GALNT16: variants seen among roughly 807,000 people sequenced by gnomAD.
The protein encoded by GALNT16 is polypeptide N-acetylgalactosaminyltransferase 16.
In GALNT16, 40 loss-of-function variants were observed where a neutral mutation model predicts 76.1. That is an observed-to-expected ratio of 0.53 (90% CI 0.41 to 0.68). GALNT16 has a LOEUF of 0.68. Ranked by LOEUF, GALNT16 falls within the 30% of genes least tolerant of loss-of-function variation. GALNT16 has a pLI of 0.00. For synonymous variants in GALNT16, 276 were observed against 285.2 expected (o/e 0.97, Z 0.32); for missense variants, 621 against 731.9 (o/e 0.85, Z 1.75).
the GALNT16 span, among the ~76,000 whole-genome samples, chr14:69,379,884 T>C: frequency 6.6e-6 from 1 of 152,200 alleles, no homozygotes; most frequent in East Asian, 1.9e-4. Flanking sequence ...CAGAAAGTCA[T>C]TTATAACGTT....
chr14:69,347,890 G>A lies in GALNT16; in HGVS notation c.1427G>A (p.Ser476Asn), dbSNP rs754534699. 1 of 1,613,718 alleles carries A rather than the reference G, an allele frequency of 6.2e-7. No individual in the cohort carries two copies. Among genetic ancestry groups the A allele is most frequent in the South Asian group, 1.1e-5 (1 of 91,084 alleles). ...CCTGCCTTGCAGGCATGGCTGTTCA[G>A]TGACCACCTCATCCAGCAGCAGGGG... is the stretch of plus-strand genomic sequence containing the variant. ...NPQPAQAWLF[S>N]DHLIQQQGKC... Residue 476 changes from serine to asparagine, a missense_variant, in exon 14 of 15, where the codon AGT (serine) becomes AAT (asparagine). By Grantham distance (46) the Ser-to-Asn change is conservative (BLOSUM62 1). Transcript: ENST00000448469.
At chr14:69,322,393 G>A (rs556441186) in intron 2 of GALNT16, among the ~76,000 whole-genome samples, 2 of 152,338 alleles carry the variant, frequency 1.3e-5, no homozygotes, top group Admixed American at 6.5e-5. Flanking sequence ...GGATCTGTTG[G>A]CCCCAATCTG....
At chr14:69,372,527 GCT>G in the GALNT16 span, among the ~76,000 whole-genome samples, 4 of 104,744 alleles carry the variant, frequency 3.8e-5, no homozygotes, top group African/African-American at 1.5e-4. Flanking sequence ...ATGGAGTCTT[GCT>G]CTGTTGCCCA....
chr14:69,327,769 C>T (rs2045304075), intron 5 of GALNT16, among the ~76,000 whole-genome samples: 1 of 152,200 alleles, frequency 6.6e-6, no homozygotes, highest in South Asian at 2.1e-4. Context: ...GGGCCTCCTC[C>T]CTCCTGACCA....
At chr14:69,269,675 G>A (rs1289012416) in intron 1 of GALNT16, among the ~76,000 whole-genome samples, 1 of 150,984 alleles carries the variant, frequency 6.6e-6, no homozygotes, top group African/African-American at 2.4e-5. Context: ...TGTGTGTAGT[G>A]TGTGTGTGAT....
rs1220764503 is a variant in GALNT16, at chr14:69,333,646, A to T, written c.967+46A>T. 1 of 982,030 alleles carries T rather than the reference A, an allele frequency of 1.0e-6. No homozygotes were observed. Among genetic ancestry groups the T allele is most frequent in the Non-Finnish European group, 1.6e-6 (1 of 616,182 alleles). The allele number at this position is 982,030 out of a possible 1,614,324, so 60.8% of individuals were successfully genotyped here. ...AGTGAAAATAACAGTAGCAGTAATA[A>T]CCACAGTTAACCCTGACAGAGCACT... On this transcript the variant is annotated intron_variant, in intron 9 of 14. Transcript: ENST00000448469. This position sits in a 1 kb window ranked among gnomAD's most constrained non-coding sequence, Gnocchi z 4.2.
At chr14:69,337,587 AAC>A (rs1034744494) in intron 9 of GALNT16, among the ~76,000 whole-genome samples, 3 of 152,170 alleles carry the variant, frequency 2.0e-5, no homozygotes, top group African/African-American at 7.2e-5. Flanking sequence ...GCTGAGGCCA[AAC>A]ACAGAGCTCT....
intron 10 of GALNT16, 58 bp downstream of exon 10, chr14:69,338,835 C>A: frequency 7.1e-7 from 1 of 1,404,286 alleles, no homozygotes; most frequent in Non-Finnish European, 9.8e-7. Context: ...CCCAAGCCCC[C>A]AGCCTTGCCA....
chr14:69,329,771 G>T (rs944037838), intron 6 of GALNT16, among the ~76,000 whole-genome samples: 1 of 152,070 alleles, frequency 6.6e-6, no homozygotes, highest in East Asian at 1.9e-4. Flanking sequence ...GGGCAAGAGA[G>T]AGTTGGGTGG....
At chr14:69,323,235 A>G (rs1390245455) in intron 2 of GALNT16, among the ~76,000 whole-genome samples, 1 of 152,220 alleles carries the variant, frequency 6.6e-6, no homozygotes, top group East Asian at 1.9e-4. Flanking sequence ...GATCACAGAG[A>G]AAACCCCATC....
At chr14:69,310,010 C>T in intron 1 of GALNT16, among the ~76,000 whole-genome samples, 1 of 152,144 alleles carries the variant, frequency 6.6e-6, no homozygotes, top group Admixed American at 6.5e-5. Context: ...CTTTTCCTAA[C>T]ATCATTCACT....
At chr14:69,270,190 A>T (rs1331459911) in intron 1 of GALNT16, among the ~76,000 whole-genome samples, 2 of 152,062 alleles carry the variant, frequency 1.3e-5, no homozygotes, top group African/African-American at 2.4e-5. Context: ...CTTCCCTAAG[A>T]CACAGAGTAG....
At chr14:69,265,488 T>C (rs1471555493) in intron 1 of GALNT16, among the ~76,000 whole-genome samples, 1 of 152,194 alleles carries the variant, frequency 6.6e-6, no homozygotes, top group Non-Finnish European at 1.5e-5. Context: ...AGGACACTGG[T>C]AGACCAGGGC....
chr14:69,344,605 G>C (rs768086295), intron 12 of GALNT16, among the ~76,000 whole-genome samples: 4 of 152,186 alleles, frequency 2.6e-5, no homozygotes, highest in African/African-American at 4.8e-5. Flanking sequence ...CTGCTACCAC[G>C]ATGACAGCTT....
chr14:69,309,031 A>C (rs1329970402), intron 1 of GALNT16, among the ~76,000 whole-genome samples: 1 of 152,234 alleles, frequency 6.6e-6, no homozygotes, highest in Middle Eastern at 3.2e-3. Flanking sequence ...AATCAACCAG[A>C]TAGATCTTGC....
chr14:69,324,936 G>A (rs2045259682), intron 3 of GALNT16, 146 bp downstream of exon 3: 2 of 582,844 alleles, frequency 3.4e-6, no homozygotes, highest in Non-Finnish European at 6.1e-6. Context: ...GTGAATCAGG[G>A]CCAGGAAGAC....
At chr14:69,381,789 CAT>C in the GALNT16 span, among the ~76,000 whole-genome samples, 1 of 152,076 alleles carries the variant, frequency 6.6e-6, no homozygotes, top group East Asian at 1.9e-4. Context: ...CCTGGGTTCA[CAT>C]GATTCTCCTG....
At chr14:69,366,137 G>T in the GALNT16 span, among the ~76,000 whole-genome samples, 1 of 152,322 alleles carries the variant, frequency 6.6e-6, no homozygotes, top group Non-Finnish European at 1.5e-5. Context: ...AGCTTTCTGG[G>T]CAGAGAAAGT....
intron 1 of GALNT16, among the ~76,000 whole-genome samples, chr14:69,285,040 CTTTTT>C (rs11401674): frequency 7.8e-6 from 1 of 127,500 alleles, no homozygotes. Flanking sequence ...CTCGGGCACT[CTTTTT>C]TTTTTTTTTT....
Sources: gnomAD v4.1 joint callset for allele counts (sites outside exome capture counted in the v4.1 genomes callset) on GRCh38, gnomAD v4.1.1 for gene constraint, Gnocchi (gnomAD v3.1) non-coding constraint, MANE v1.5 for transcripts, NCBI Gene and HGNC (gene_info 2026-07-23, HGNC 2026-07-21) for gene names.